STAU2: variants seen among roughly 807,000 people sequenced by gnomAD.
The protein encoded by STAU2 is staufen double-stranded RNA binding protein 2.
A neutral mutation model predicts 65.9 loss-of-function variants in STAU2; 20 were observed. That is an observed-to-expected ratio of 0.30 (90% confidence interval 0.21 to 0.44). STAU2 has a LOEUF of 0.44. Ranked by LOEUF, STAU2 falls within the 20% of genes least tolerant of loss-of-function variation. The probability of loss-of-function intolerance (pLI) is 1.00; values close to 1 mark genes in which losing one functional copy is unlikely to be tolerated. For missense variants in STAU2, 558 were observed against 683.9 expected (o/e 0.82, Z 2.05); for synonymous variants, 232 against 233.9 (o/e 0.99, Z 0.07).
chr8:73,671,965 C>A (rs1288175725), intron 6 of STAU2, among the ~76,000 whole-genome samples: 4 of 151,650 alleles, frequency 2.6e-5, no homozygotes, highest in African/African-American at 9.7e-5. Context: ...GCTGTGGGTG[C>A]AGTGAGACAA....
chr8:73,700,815 A>C (rs990526958), intron 4 of STAU2, among the ~76,000 whole-genome samples: 1 of 152,164 alleles, frequency 6.6e-6, no homozygotes, highest in Non-Finnish European at 1.5e-5. Flanking sequence ...GAATAGCCAA[A>C]GCTATCCTGA....
intron 3 of STAU2, among the ~76,000 whole-genome samples, chr8:73,729,066 G>A (rs181208335): frequency 3.4e-4 from 52 of 152,122 alleles, no homozygotes; most frequent in African/African-American, 1.1e-3. Context: ...TTTCATAAAC[G>A]CTGAATGTTG....
chr8:73,520,324 G>T (rs1017641609), intron 13 of STAU2, among the ~76,000 whole-genome samples: 1 of 152,184 alleles, frequency 6.6e-6, no homozygotes, highest in African/African-American at 2.4e-5. Context: ...TTTCAAGTAT[G>T]AAAGAATAGT....
At chr8:73,497,521 T>C (rs1314123137) in intron 13 of STAU2, among the ~76,000 whole-genome samples, 1 of 151,728 alleles carries the variant, frequency 6.6e-6, no homozygotes, top group Non-Finnish European at 1.5e-5. Context: ...TAAAAGCTGA[T>C]ACTCAGGTTC....
chr8:73,470,576 T>C (rs777268132), intron 13 of STAU2, among the ~76,000 whole-genome samples: 75 of 152,130 alleles, frequency 4.9e-4, no homozygotes, highest in Non-Finnish European at 1.0e-3. Context: ...GATGGGAGGA[T>C]TGCTTGAAGC....
intron 6 of STAU2, among the ~76,000 whole-genome samples, chr8:73,637,477 TAAAAAAAAAAAAAAAAAAAA>T (rs60833468): frequency 1.8e-5 from 1 of 57,086 alleles, no homozygotes; most frequent in Non-Finnish European, 3.0e-5. Context: ...GTGCTGAAAG[TAAAAAAAAAAAAAAAAAAAA>T]AAAAAAAAGA....
chr8:73,549,982 T>C, intron 13 of STAU2: 1 of 985,796 alleles, frequency 1.0e-6, no homozygotes, highest in South Asian at 4.7e-5. Context: ...GCTTTAAAAC[T>C]TTTAACCACA....
chr8:73,666,142 T>C (rs1817223626), intron 6 of STAU2, among the ~76,000 whole-genome samples: 1 of 152,224 alleles, frequency 6.6e-6, no homozygotes. Flanking sequence ...ACTGTTGTAC[T>C]TTCCAATATG....
At chr8:73,620,005 C>G (rs1172969357) in intron 6 of STAU2, among the ~76,000 whole-genome samples, 1 of 152,094 alleles carries the variant, frequency 6.6e-6, no homozygotes, top group African/African-American at 2.4e-5. Flanking sequence ...AAACTATAAT[C>G]TTTTTTGCTT....
At chr8:73,718,970 A>G (rs550940739) in intron 3 of STAU2, among the ~76,000 whole-genome samples, 1 of 152,334 alleles carries the variant, frequency 6.6e-6, no homozygotes, top group East Asian at 1.9e-4. Context: ...ATCTGTGAAT[A>G]AGGACAGTTT....
chr8:73,479,207 C>T (rs979904702), intron 13 of STAU2, among the ~76,000 whole-genome samples: 1 of 152,100 alleles, frequency 6.6e-6, no homozygotes, highest in Admixed American at 6.6e-5. Flanking sequence ...ACATCACTGT[C>T]GTACCTTTAA....
At chr8:73,699,930 A>C (rs1360989660) in intron 4 of STAU2, among the ~76,000 whole-genome samples, 1 of 152,002 alleles carries the variant, frequency 6.6e-6, no homozygotes, top group Non-Finnish European at 1.5e-5. Context: ...CCTCAACAAA[A>C]TACTAGCAAA....
intron 13 of STAU2, among the ~76,000 whole-genome samples, chr8:73,451,611 A>G (rs1818805215): frequency 6.6e-6 from 1 of 151,130 alleles, no homozygotes; most frequent in East Asian, 1.9e-4. Flanking sequence ...AAGGCTTTGG[A>G]GAGAGCAGAC....
chr8:73,629,768 G>C (rs1371739816), intron 6 of STAU2, among the ~76,000 whole-genome samples: 2 of 152,000 alleles, frequency 1.3e-5, no homozygotes, highest in African/African-American at 4.8e-5. Flanking sequence ...CTGACTCGAA[G>C]CCCACTTTTC....
chr8:73,641,793 A>G (rs775895906), intron 6 of STAU2, among the ~76,000 whole-genome samples: 12 of 152,264 alleles, frequency 7.9e-5, no homozygotes, highest in Non-Finnish European at 1.0e-4. Flanking sequence ...CATACTTTAG[A>G]AAATTTTCTA....
At chr8:73,653,870 A>G (rs1419621675) in intron 6 of STAU2, 2 of 443,704 alleles carry the variant, frequency 4.5e-6, no homozygotes, top group South Asian at 1.6e-5. Flanking sequence ...GGAACATCTT[A>G]TAACACTGAC....
chr8:73,539,788 G>A (rs1230955652), intron 13 of STAU2, among the ~76,000 whole-genome samples: 3 of 151,388 alleles, frequency 2.0e-5, no homozygotes, highest in Admixed American at 6.6e-5. Flanking sequence ...GGCTGCAGTG[G>A]GCTGAAATTG....
intron 12 of STAU2, among the ~76,000 whole-genome samples, chr8:73,571,606 C>A (rs1159993539): frequency 1.3e-5 from 2 of 152,208 alleles, no homozygotes; most frequent in African/African-American, 4.8e-5. Flanking sequence ...CTCAAAACCA[C>A]ACAACTACAT....
intron 13 of STAU2, among the ~76,000 whole-genome samples, chr8:73,510,551 C>T (rs949128173): frequency 2.0e-5 from 3 of 152,150 alleles, no homozygotes; most frequent in Non-Finnish European, 2.9e-5. Context: ...TAAAGACACA[C>T]TCAAGACTGG....
Sources: gnomAD v4.1 joint callset for allele counts (sites outside exome capture counted in the v4.1 genomes callset) on GRCh38, gnomAD v4.1.1 for gene constraint, MANE v1.5 for transcripts, NCBI Gene and HGNC (gene_info 2026-07-23, HGNC 2026-07-21) for gene names.